Variants in GSG1L2 observed in about 807,000 individuals in gnomAD.
The protein encoded by GSG1L2 is germ cell-specific gene 1-like protein 2.
In GSG1L2, 15 loss-of-function variants were observed where a neutral mutation model predicts 9.0. The observed-to-expected ratio is 1.67, with a 90% confidence interval of 1.12 to 2.57. The LOEUF is 2.57. GSG1L2 is among the 30% of genes most tolerant of loss of function. GSG1L2 has a pLI of 0.00. For synonymous variants in GSG1L2, 127 were observed against 57.9 expected (o/e 2.19, Z -5.41); for missense variants, 286 against 150.3 (o/e 1.90, Z -4.72).
intron 4 of GSG1L2, among the ~76,000 whole-genome samples, chr17:9,806,908 G>C (rs2066518112): frequency 6.6e-6 from 1 of 152,224 alleles, no homozygotes; most frequent in Admixed American, 6.5e-5. Flanking sequence ...GAATAGTAGG[G>C]TGAGGGAGTG....
In GSG1L2 at chr17:9,810,347, A is replaced by T. The variant is rs138624877; in HGVS notation, c.358+224T>A. 5 of 580,994 alleles carry T rather than the reference A, an allele frequency of 8.6e-6. No homozygotes were observed. The African/African-American group carries it at 9.4e-5, about 11-fold the overall frequency. 36.0% of individuals were successfully genotyped at this position (580,994 alleles called of 1,614,324 possible). On this transcript the variant is annotated intron_variant, in intron 2 of 4. Coordinates refer to ENST00000399363, the MANE Select transcript of GSG1L2 (RefSeq NM_001310219.2). ...CCATGGAACACGGCCAGTGCTGCCA[A>T]TCAGGGCTTCCCATCCACCCTACAA...
chr17:9,814,694 A>T (rs1401020238), intron 1 of GSG1L2, among the ~76,000 whole-genome samples: 1 of 152,186 alleles, frequency 6.6e-6, no homozygotes, highest in Non-Finnish European at 1.5e-5. Flanking sequence ...GAAGCCAGGG[A>T]GGCGGGTGTT....
intron 1 of GSG1L2, among the ~76,000 whole-genome samples, chr17:9,819,658 GT>G (rs2066581062): frequency 6.6e-6 from 1 of 152,006 alleles, no homozygotes; most frequent in Admixed American, 6.6e-5. Context: ...TTGAGACAGA[GT>G]TTTGCTCTTG....
intron 1 of GSG1L2, among the ~76,000 whole-genome samples, chr17:9,811,352 A>C (rs1305595798): frequency 6.6e-6 from 1 of 152,238 alleles, no homozygotes; most frequent in East Asian, 1.9e-4. Flanking sequence ...TATTGGGCAG[A>C]AGCCGCCACC....
chr17:9,816,723 GTCTGTGTGTGCATGTGTGTA>G (rs1227953392), intron 1 of GSG1L2, among the ~76,000 whole-genome samples: 1 of 145,920 alleles, frequency 6.9e-6, no homozygotes, highest in East Asian at 2.0e-4. Context: ...GTGTATCTGT[GTCTGTGTGTGCATGTGTGTA>G]TCTGTGTGTG....
intron 1 of GSG1L2, among the ~76,000 whole-genome samples, chr17:9,811,826 C>G (rs115328575): frequency 0.011 from 1,644 of 152,296 alleles, 35 homozygotes; most frequent in African/African-American, 0.037. Context: ...CGCTACATCA[C>G]TGACTTAATG....
Position 9,820,940 on chromosome 17 carries a change from G to A in GSG1L2, c.310+822C>T, listed in dbSNP as rs538757329. On this transcript the variant is annotated intron_variant, in intron 1 of 4. Transcript: ENST00000399363. The surrounding 1 kb of genome is among the most constrained non-coding windows in gnomAD (Gnocchi z 4.9). ...AGCTTCCCAAAGTGCTAGGATTATAGGAATGAGCCACCAGGCTGGGCCTCA... is the reference window on the plus strand; with the variant it reads ...AGCTTCCCAAAGTGCTAGGATTATAAGAATGAGCCACCAGGCTGGGCCTCA... Among the ~76,000 whole-genome samples the A allele has an allele frequency of 5.2e-4, 79 of 152,298 alleles. No individual in the cohort carries two copies. Among genetic ancestry groups the A allele is most frequent in the African/African-American group, 1.9e-3 (78 of 41,556 alleles).
chr17:9,820,541 A>G lies in GSG1L2; in HGVS notation c.310+1221T>C, dbSNP rs988318526. ...GCAGTGTCTGTACCACACTTAAAGC[A>G]CAAGACACAGGCACTGGCCTGGATA... is the stretch of plus-strand genomic sequence containing the variant. On this transcript the variant is annotated intron_variant, in intron 1 of 4. Coordinates refer to ENST00000399363, the MANE Select transcript of GSG1L2 (RefSeq NM_001310219.2). This position sits in a 1 kb window ranked among gnomAD's most constrained non-coding sequence, Gnocchi z 4.9. Among the ~76,000 whole-genome samples the G allele has an allele frequency of 1.3e-5, 2 of 152,204 alleles. No individual in the cohort carries two copies. The highest frequency in any genetic ancestry group is 4.8e-5 in the African/African-American group (2 of 41,440).
chr17:9,819,485 C>T (rs932095314), intron 1 of GSG1L2, among the ~76,000 whole-genome samples: 7 of 152,144 alleles, frequency 4.6e-5, no homozygotes, highest in Admixed American at 3.3e-4. Context: ...CTAGAAGAAA[C>T]ACTTAAGTTA....
Position 9,801,949 on chromosome 17 carries a change from T to G in GSG1L2, c.*437A>C, listed in dbSNP as rs8080069. On this transcript the variant is annotated 3_prime_UTR_variant, in exon 5 of 5. Coordinates refer to ENST00000399363, the MANE Select transcript of GSG1L2 (RefSeq NM_001310219.2). ...TGACATAGCCACACATACTTTATTG[T>G]GTGTGTCAATTAGGAGAAAACATTT... 3.1e-3 allele frequency among the ~76,000 whole-genome samples: 468 copies of G among 152,370 alleles called. 4 individuals are homozygous for G. Among genetic ancestry groups the G allele is most frequent in the African/African-American group, 0.01 (432 of 41,592 alleles).
At chr17:9,804,353 C>A (rs994576228) in intron 4 of GSG1L2, 1 of 152,200 alleles carries the variant, frequency 6.6e-6, no homozygotes, top group Admixed American at 6.5e-5. Flanking sequence ...ACCTCCCTTT[C>A]CCCCAGAAAA....
intron 3 of GSG1L2, chr17:9,807,942 A>T (rs1011614286): frequency 4.6e-6 from 1 of 216,518 alleles, no homozygotes; most frequent in Non-Finnish European, 9.5e-6. Context: ...CTGTAATCCC[A>T]GGTACTCGGG....
At chr17:9,810,786 C>T (rs747521382) in intron 1 of GSG1L2, 168 bp from the exon 2 acceptor site, 1 of 608,216 alleles carries the variant, frequency 1.6e-6, no homozygotes, top group African/African-American at 1.8e-5. Flanking sequence ...ATAATCCACC[C>T]TATTGGACTC....
At position 9,803,165 on chromosome 17, in the gene GSG1L2, A is replaced by G. The variant is rs201752986; in HGVS notation, c.624-521T>C. Reference sequence around the variant, plus strand: ...GTCGCCCAGGCTGGAGTGCAATGGCATGATCTTGGCTCACTGCAACCTCTG... The same window carrying G: ...GTCGCCCAGGCTGGAGTGCAATGGCGTGATCTTGGCTCACTGCAACCTCTG... On this transcript the variant is annotated intron_variant, in intron 4 of 4. Coordinates refer to ENST00000399363, the MANE Select transcript of GSG1L2 (RefSeq NM_001310219.2). Among the ~76,000 whole-genome samples, 5 of 113,832 alleles carry G rather than the reference A, an allele frequency of 4.4e-5. No homozygotes were observed. In the East Asian group the frequency reaches 1.2e-3, roughly 27 times the overall value. 74.7% of individuals were successfully genotyped at this position (113,832 alleles called of 152,430 possible).
chr17:9,808,745 CTG>C (rs1448474923), intron 3 of GSG1L2, 83 bp downstream of exon 3: 2 of 656,638 alleles, frequency 3.0e-6, no homozygotes, highest in Non-Finnish European at 5.6e-6. Flanking sequence ...AAGAGCCAGC[CTG>C]TTCTTTGGTA....
intron 1 of GSG1L2, 49 bp from the exon 2 acceptor site, chr17:9,810,667 A>C (rs1271673811): frequency 2.8e-6 from 2 of 702,448 alleles, no homozygotes; most frequent in Non-Finnish European, 5.2e-6. Flanking sequence ...CTTCACAACC[A>C]GGGGGCAAAT....
intron 1 of GSG1L2, among the ~76,000 whole-genome samples, chr17:9,814,018 T>C (rs969633308): frequency 5.9e-5 from 9 of 151,766 alleles, no homozygotes; most frequent in African/African-American, 1.9e-4. Context: ...CACTGCAACC[T>C]CTGCCTCCCG....
intron 1 of GSG1L2, among the ~76,000 whole-genome samples, chr17:9,815,791 G>A (rs1307955198): frequency 6.6e-6 from 1 of 152,268 alleles, no homozygotes; most frequent in Middle Eastern, 3.4e-3. Flanking sequence ...TCAGACAGAG[G>A]TTGCTATGGT....
chr17:9,818,612 T>C (rs192370041), intron 1 of GSG1L2, among the ~76,000 whole-genome samples: 1 of 145,830 alleles, frequency 6.9e-6, no homozygotes, highest in East Asian at 2.1e-4. Flanking sequence ...CACCTTGGCC[T>C]CCCAAAGTGC....
Sources: allele counts gnomAD v4.1 joint callset (sites outside exome capture counted in the v4.1 genomes callset), GRCh38; gene constraint gnomAD v4.1.1; non-coding constraint Gnocchi (gnomAD v3.1); transcripts MANE v1.5; gene names NCBI Gene and HGNC (gene_info 2026-07-23, HGNC 2026-07-21).